CFAP251: variants seen among roughly 807,000 people sequenced by gnomAD.
The protein encoded by CFAP251 is cilia and flagella associated protein 251, also known as cilia- and flagella-associated protein 251.
In CFAP251, 93 loss-of-function variants were observed where a neutral mutation model predicts 126.7. The ratio of observed to expected loss-of-function variants is 0.73; its 90% CI spans 0.62 to 0.87. CFAP251 has a LOEUF of 0.87. CFAP251 is among the 40% of genes least tolerant of loss of function. The probability of loss-of-function intolerance (pLI) is 0.00; values close to 1 mark genes in which losing one functional copy is unlikely to be tolerated. For missense variants in CFAP251, 1,287 were observed against 1,389.2 expected (o/e 0.93, Z 1.17); for synonymous variants, 503 against 506.9 (o/e 0.99, Z 0.10).
intron 3 of CFAP251, among the ~76,000 whole-genome samples, chr12:121,925,682 A>AAGG (rs57473477): frequency 0.88 from 134,223 of 151,968 alleles, 59,477 homozygotes; most frequent in African/African-American, 0.96. Context: ...CAATGTCTCT[A>AAGG]AGAAGGTGTA....
At position 121,934,307 on chromosome 12, in the gene CFAP251, G is replaced by A. The variant is rs1418757242; in HGVS notation, c.949G>A (p.Ala317Thr). 1.9e-6 allele frequency: 3 copies of A among 1,614,058 alleles called. No homozygotes were observed. Among genetic ancestry groups the A allele is most frequent in the South Asian group, 2.2e-5 (2 of 91,056 alleles). The change falls in exon 5 of 22, where the codon GCA becomes ACA. Residue 317 changes from alanine (A) to threonine (T), a missense_variant. Transcript: ENST00000288912. Reference sequence around the variant, plus strand: ...TGAAGACAGGCGGTGGATCGCCACAGCAGACAAAGGGCCAGACTGCCTGGT... The same window carrying A: ...TGAAGACAGGCGGTGGATCGCCACAACAGACAAAGGGCCAGACTGCCTGGT... ...VSEDRRWIAT[A>T]DKGPDCLVII... is the part of the protein sequence containing the mutation.
At position 121,960,586 on chromosome 12, in the gene CFAP251, A is replaced by T; in HGVS notation, c.2135A>T (p.Asp712Val). 6.2e-7 allele frequency: 1 copy of T among 1,614,058 alleles called. No individual in the cohort carries two copies. The highest frequency in any genetic ancestry group is 1.1e-5 in the South Asian group (1 of 91,068). Residue 712 changes from aspartate (D) to valine (V), a missense_variant and splice_region_variant, in exon 14 of 22, where the codon GAT becomes GTT. Transcript: ENST00000288912. ...TCCTTCTCTTTTGCTCATCTTCAGGATAGAAGTTTTACTGTGGCTGTTTAC... is the reference window on the plus strand; with the variant it reads ...TCCTTCTCTTTTGCTCATCTTCAGGTTAGAAGTTTTACTGTGGCTGTTTAC... ...SHDSQYMATADRSFTVAVYML... is the reference protein window; with the variant it reads ...SHDSQYMATAVRSFTVAVYML...
intron 20 of CFAP251, among the ~76,000 whole-genome samples, chr12:122,001,063 T>TC (rs1418008997): frequency 3.4e-5 from 5 of 148,728 alleles, no homozygotes; most frequent in African/African-American, 1.2e-4. Flanking sequence ...TGCTTTTTTT[T>TC]TTTTTTTTTT....
chr12:121,945,828 G>T (rs1881305410), intron 7 of CFAP251, among the ~76,000 whole-genome samples: 1 of 151,160 alleles, frequency 6.6e-6, no homozygotes, highest in Non-Finnish European at 1.5e-5. Flanking sequence ...ACCACGCCTG[G>T]CTAATTTTTT....
chr12:121,957,571 A>T (rs997449178), intron 11 of CFAP251, among the ~76,000 whole-genome samples: 1 of 150,044 alleles, frequency 6.7e-6, no homozygotes, highest in Non-Finnish European at 1.5e-5. Context: ...GGGCGTGGTG[A>T]CGGGTGCCTG....
chr12:122,000,538 C>T (rs1883123937), intron 20 of CFAP251, among the ~76,000 whole-genome samples: 2 of 131,194 alleles, frequency 1.5e-5, no homozygotes, highest in South Asian at 2.3e-4. Context: ...GGTGACAGAG[C>T]GAGACTGTCA....
At chr12:121,922,364 C>G (rs1236163960) in intron 2 of CFAP251, among the ~76,000 whole-genome samples, 1 of 152,076 alleles carries the variant, frequency 6.6e-6, no homozygotes, top group South Asian at 2.1e-4. Context: ...CCAGCTTTGG[C>G]CTCCCAAAGT....
chr12:122,001,361 T>C, intron 20 of CFAP251, 136 bp from the exon 21 acceptor site: 5 of 817,204 alleles, frequency 6.1e-6, no homozygotes, highest in Non-Finnish European at 8.1e-6. Flanking sequence ...CAGCCTAAAT[T>C]TTTTTTTCAA....
At chr12:121,964,177 T>A (rs535141042) in intron 15 of CFAP251, among the ~76,000 whole-genome samples, 1 of 144,720 alleles carries the variant, frequency 6.9e-6, no homozygotes, top group East Asian at 2.0e-4. Context: ...TTGTTGTTGT[T>A]GTAAACAGTT....
At chr12:121,997,958 C>G (rs912779515) in intron 19 of CFAP251, 1 of 152,026 alleles carries the variant, frequency 6.6e-6, no homozygotes, top group Non-Finnish European at 1.5e-5. Context: ...ACCGTGTTGG[C>G]CAGGCTGGTC....
rs1333433763 is a variant in CFAP251, at chr12:121,949,006, C to G, written c.1214C>G (p.Thr405Arg). ...GVQNYVTFNPTNNKELVSNSK... is the reference protein window; with the variant it reads ...GVQNYVTFNPRNNKELVSNSK... ...CAGAACTACGTTACTTTTAACCCAA[C>G]AAATAATAAAGAATTGGTGAGCAAT... The change falls in exon 8 of 22, where the codon ACA becomes AGA. Residue 405 changes from threonine to arginine, a missense_variant. Physicochemically the swap from Thr to Arg is moderately conservative, Grantham distance 71. Transcript: ENST00000288912. 6.3e-7 allele frequency: 1 copy of G among 1,581,694 alleles called. No homozygotes were observed. Among genetic ancestry groups the G allele is most frequent in the Non-Finnish European group, 8.6e-7 (1 of 1,163,458 alleles).
chr12:121,939,120 C>T (rs1174798891), intron 5 of CFAP251, among the ~76,000 whole-genome samples: 1 of 152,100 alleles, frequency 6.6e-6, no homozygotes, highest in African/African-American at 2.4e-5. Flanking sequence ...GTTTTGAACA[C>T]ACGTATATGG....
At chr12:121,977,884 G>A (rs1327227449) in intron 19 of CFAP251, among the ~76,000 whole-genome samples, 12 of 146,432 alleles carry the variant, frequency 8.2e-5, no homozygotes, top group East Asian at 2.0e-4. Context: ...GCGTGAACCC[G>A]GGAGGCGGAG....
At chr12:121,920,094 G>T (rs1392593732) in intron 1 of CFAP251, among the ~76,000 whole-genome samples, 1 of 149,474 alleles carries the variant, frequency 6.7e-6, no homozygotes, top group Non-Finnish European at 1.5e-5. Flanking sequence ...TGAGGCAGGA[G>T]AATAGCTTGA....
chr12:121,958,149 G>T, intron 11 of CFAP251, 123 bp from the exon 12 acceptor site: 1 of 1,395,718 alleles, frequency 7.2e-7, no homozygotes, highest in Non-Finnish European at 9.7e-7. Context: ...TGGAAATGTT[G>T]GGTTAATAAT....
intron 19 of CFAP251, among the ~76,000 whole-genome samples, chr12:121,991,822 GTT>G: frequency 6.6e-6 from 1 of 152,188 alleles, no homozygotes; most frequent in Non-Finnish European, 1.5e-5. Flanking sequence ...TAGGAACCCT[GTT>G]GCTACTAAAA....
chr12:121,971,786 A>C, intron 17 of CFAP251: 4 of 571,760 alleles, frequency 7.0e-6, no homozygotes, highest in Non-Finnish European at 1.3e-5. Flanking sequence ...TCCTACCCAA[A>C]TCTCATCTTG....
At chr12:121,980,408 CTTT>C (rs548905552) in intron 19 of CFAP251, among the ~76,000 whole-genome samples, 8 of 139,446 alleles carry the variant, frequency 5.7e-5, no homozygotes, top group Non-Finnish European at 4.7e-5. Context: ...TCACTTCCTT[CTTT>C]TTTTTTTTTT....
At chr12:121,946,998 A>G (rs1233082453) in intron 7 of CFAP251, among the ~76,000 whole-genome samples, 1 of 152,130 alleles carries the variant, frequency 6.6e-6, no homozygotes, top group African/African-American at 2.4e-5. Flanking sequence ...GTTTTGGAAA[A>G]TTCTCAGCCA....
Sources: gnomAD v4.1 joint callset for allele counts (sites outside exome capture counted in the v4.1 genomes callset) on GRCh38, gnomAD v4.1.1 for gene constraint, MANE v1.5 for transcripts, NCBI Gene and HGNC (gene_info 2026-07-23, HGNC 2026-07-21) for gene names.